NUCB1: variants seen among roughly 807,000 people sequenced by gnomAD.
NUCB1 encodes the protein nucleobindin 1, also known as nucleobindin-1.
A neutral mutation model predicts 61.2 loss-of-function variants in NUCB1; 47 were observed. The observed-to-expected ratio is 0.77, with a 90% confidence interval of 0.61 to 0.98. The LOEUF (loss-of-function observed/expected upper bound fraction) is 0.98, where lower values mean the gene tolerates loss of function less well. Among genes scored for constraint, NUCB1 ranks in the 50% least tolerant of loss-of-function variants. NUCB1 has a pLI of 0.00. For synonymous variants in NUCB1, 234 were observed against 243.1 expected (o/e 0.96, Z 0.35); for missense variants, 583 against 605.3 (o/e 0.96, Z 0.39).
intron 4 of NUCB1, among the ~76,000 whole-genome samples, chr19:48,909,777 A>C (rs2037452180): frequency 1.3e-5 from 2 of 151,786 alleles, no homozygotes; most frequent in Non-Finnish European, 2.9e-5. Context: ...CCTGAGCCCA[A>C]GTGATCCTCC....
chr19:48,903,534 G>A (rs1390722113), intron 2 of NUCB1, among the ~76,000 whole-genome samples: 32 of 110,452 alleles, frequency 2.9e-4, no homozygotes, highest in African/African-American at 3.8e-4. Context: ...GGATGGGTGG[G>A]TGGATGGATC....
intron 2 of NUCB1, among the ~76,000 whole-genome samples, chr19:48,902,616 C>T (rs2037364610): frequency 6.7e-6 from 1 of 149,732 alleles, no homozygotes; most frequent in African/African-American, 2.5e-5. Flanking sequence ...CATTATACTG[C>T]CCAGGCTAGT....
At chr19:48,904,510 C>A in intron 3 of NUCB1, 56 bp downstream of exon 3, 11 of 986,546 alleles carry the variant, frequency 1.1e-5, no homozygotes, top group South Asian at 2.9e-5. Flanking sequence ...GGGCAGAGTT[C>A]AGGGGAGGAC....
At chr19:48,905,150 G>T (rs1012212177) in intron 3 of NUCB1, among the ~76,000 whole-genome samples, 6 of 152,198 alleles carry the variant, frequency 3.9e-5, no homozygotes, top group African/African-American at 1.4e-4. Flanking sequence ...ATGTGTAAAG[G>T]GTTTGGAAGA....
chr19:48,905,919 G>GTGGGGGGGGGGC, intron 4 of NUCB1, 34 bp downstream of exon 4: 1 of 1,236,170 alleles, frequency 8.1e-7, no homozygotes, highest in Non-Finnish European at 1.1e-6. Context: ...GACAGGCAGG[G>GTGGGGGGGGGGC]AGGGGTGGGG....
chr19:48,900,976 ACTACAGCTC>A (rs1203769851), intron 2 of NUCB1, 45 bp downstream of exon 2: 1 of 1,610,616 alleles, frequency 6.2e-7, no homozygotes, highest in East Asian at 2.2e-5. Context: ...TTGCAGTGGT[ACTACAGCTC>A]CTGCAGACCC....
intron 1 of NUCB1, 119 bp from the exon 2 acceptor site, chr19:48,900,667 A>C: frequency 7.4e-7 from 1 of 1,350,844 alleles, no homozygotes; most frequent in Admixed American, 2.2e-5. Flanking sequence ...GGGTAACAAA[A>C]TGCTTGTGTC....
rs60037055 is a variant in NUCB1 at position 48,917,806 on chromosome 19, C to CTTT, written c.758-906_758-904dup. 5.9e-3 allele frequency among the ~76,000 whole-genome samples: 823 copies of CTTT among 139,236 alleles called. 12 individuals carry two copies. Among genetic ancestry groups the CTTT allele is most frequent in the African/African-American group, 0.021 (793 of 37,720 alleles). 91.3% of individuals were successfully genotyped at this position (139,236 alleles called of 152,430 possible). ...CCACCGCACCCGGCCCAATTTTTTA[C>CTTT]TTTTTTTTTTTTTTTTGTAGAGACG... On this transcript the variant is annotated intron_variant, in intron 7 of 12. Coordinates refer to ENST00000405315, the MANE Select transcript of NUCB1 (RefSeq NM_006184.6).
intron 2 of NUCB1, chr19:48,901,270 C>T: frequency 2.1e-6 from 1 of 472,000 alleles, no homozygotes; most frequent in Non-Finnish European, 3.9e-6. Flanking sequence ...TGTTGGCTAG[C>T]TGGGGTATTC....
rs2037604852 is a variant in NUCB1, at chr19:48,921,145, G to T, written c.1003-9G>T. ...TGTGCCCCTGATGGCCCCTGTGCCT[G>T]CCCTGCAGACAGTGGAGATGCACCC... On this transcript the variant is annotated splice_polypyrimidine_tract_variant and intron_variant, in intron 10 of 12. Coordinates refer to ENST00000405315, the MANE Select transcript of NUCB1 (RefSeq NM_006184.6). 1 of 1,599,668 alleles carries T rather than the reference G, an allele frequency of 6.3e-7. No individual in the cohort carries two copies. Among genetic ancestry groups the T allele is most frequent in the Non-Finnish European group, 8.5e-7 (1 of 1,170,984 alleles).
rs746986744 is a variant in NUCB1 at position 48,913,496 on chromosome 19, A to C, written c.689A>C (p.Glu230Ala). Reference sequence around the variant, plus strand: ...CAGGGCAGCCAAGCCCAGTTGAAGGAGGTGTGGGAGGAGCTGGATGGACTG... The same window carrying C: ...CAGGGCAGCCAAGCCCAGTTGAAGGCGGTGTGGGAGGAGCTGGATGGACTG... ...NVPGSQAQLK[E>A]VWEELDGLDP... Residue 230 changes from glutamate to alanine, a missense_variant, in exon 7 of 13, where the codon GAG becomes GCG. Coordinates refer to ENST00000405315, the MANE Select transcript of NUCB1 (RefSeq NM_006184.6). 86 of 1,613,976 alleles carry C rather than the reference A, an allele frequency of 5.3e-5. 1 individual carries two copies. The Middle Eastern group carries it at 8.2e-4, about 15-fold the overall frequency.
intron 2 of NUCB1, among the ~76,000 whole-genome samples, chr19:48,903,163 TCAC>T (rs1463990081): frequency 6.6e-6 from 1 of 152,072 alleles, no homozygotes; most frequent in East Asian, 1.9e-4. Context: ...TATTTGCTTT[TCAC>T]CACAACTCTG....
At chr19:48,903,038 G>A (rs944061403) in intron 2 of NUCB1, among the ~76,000 whole-genome samples, 1 of 151,706 alleles carries the variant, frequency 6.6e-6, no homozygotes, top group Admixed American at 6.6e-5. Flanking sequence ...GAACTCCTGG[G>A]CTCAAGTGAT....
In NUCB1 at chr19:48,913,557, A is replaced by C. The variant is rs759885368; in HGVS notation, c.750A>C (p.Ile250=). Residue 250 remains isoleucine, a synonymous_variant, in exon 7 of 13, where the codon ATA becomes ATC. Transcript: ENST00000405315. The part of the protein sequence containing the change: ...PNRFNPKTFF[I]LHDINSDGVL... ...GGTTTAACCCCAAGACCTTCTTCAT[A>C]CTGCATGGTAAGGTGGGGAGGGAGT... The C allele has an allele frequency of 1.9e-6, 3 of 1,613,304 alleles. No individual in the cohort carries two copies. The Admixed American group carries it at 5.0e-5, about 27-fold the overall frequency.
At chr19:48,915,739 G>A (rs1399709356) in intron 7 of NUCB1, among the ~76,000 whole-genome samples, 1 of 151,560 alleles carries the variant, frequency 6.6e-6, no homozygotes, top group African/African-American at 2.4e-5. Context: ...TTGCTCAAGC[G>A]ATCCACCTAT....
chr19:48,907,272 CTTT>C (rs1234696613), intron 4 of NUCB1, among the ~76,000 whole-genome samples: 5 of 122,472 alleles, frequency 4.1e-5, no homozygotes, highest in Non-Finnish European at 5.2e-5. Flanking sequence ...CGCGCCTGGC[CTTT>C]TTTTTTTTTT....
At position 48,905,994 on chromosome 19, in the gene NUCB1, C is replaced by CTGCGAAATG. The variant is rs2037409123; in HGVS notation, c.376+113_376+121dup. On this transcript the variant is annotated intron_variant, in intron 4 of 12. Transcript: ENST00000405315. ...TAGGCAGGTGAGGCCTCCCTCCCCG[C>CTGCGAAATG]TGCGAAATGTGCTGAAATGTGCGTG... The CTGCGAAATG allele has an allele frequency of 2.5e-5, 29 of 1,165,266 alleles. 1 individual carries two copies. The East Asian group carries it at 7.2e-4, about 29-fold the overall frequency. The allele number at this position is 1,165,266 out of a possible 1,614,324, so 72.2% of individuals were successfully genotyped here.
rs1555791416 is a variant in NUCB1 at position 48,908,721 on chromosome 19, G to GGGGTGTGT, written c.377-2427_377-2426insGGTGTGTG. 5.0e-3 allele frequency among the ~76,000 whole-genome samples: 549 copies of GGGGTGTGT among 109,360 alleles called. 12 individuals carry two copies. Among genetic ancestry groups the GGGGTGTGT allele is most frequent in the South Asian group, 6.0e-3 (18 of 2,976 alleles). The allele number at this position is 109,360 out of a possible 152,430, so 71.7% of individuals were successfully genotyped here. On this transcript the variant is annotated intron_variant, in intron 4 of 12. Transcript: ENST00000405315. ...TGTCTTTCTGCCCACTTGACCAAGG[G>GGGGTGTGT]GTGTGTGTGTGTGTGTGTGTGTGTG...
chr19:48,900,493 G>A (rs1275384140), intron 1 of NUCB1, 121 bp downstream of exon 1: 8 of 448,528 alleles, frequency 1.8e-5, no homozygotes, highest in Non-Finnish European at 2.8e-5. Context: ...GGGAAAAGAG[G>A]AGGCTGGGAC....
Sources: gnomAD v4.1 joint callset for allele counts (sites outside exome capture counted in the v4.1 genomes callset) on GRCh38, gnomAD v4.1.1 for gene constraint, MANE v1.5 for transcripts, NCBI Gene and HGNC (gene_info 2026-07-23, HGNC 2026-07-21) for gene names.